DST: variants seen among roughly 807,000 people sequenced by gnomAD.
DST encodes the protein bullous pemphigoid antigen.
Under a neutral mutation model 875.2 loss-of-function variants are expected in DST, and 253 were observed. The ratio of observed to expected loss-of-function variants is 0.29; its 90% CI spans 0.26 to 0.32. DST has a LOEUF of 0.32. DST is among the 10% of genes least tolerant of loss of function. The pLI, the probability that DST is intolerant of heterozygous loss-of-function variation, is 1.00. For synonymous variants in DST, 3,124 were observed against 3,197.1 expected (o/e 0.98, Z 0.77); for missense variants, 8,287 against 9,111.6 (o/e 0.91, Z 3.68).
At chr6:56,470,975 G>T in intron 95 of DST, 131 bp downstream of exon 95, 1 of 930,216 alleles carries the variant, frequency 1.1e-6, no homozygotes, top group African/African-American at 1.7e-5. Context: ...TTTTTTTAAG[G>T]GTCGTGACTT....
rs767739004 is a variant in DST at position 56,639,217 on chromosome 6, A to G, written c.2964+42T>C. The G allele has an allele frequency of 4.1e-6, 6 of 1,460,000 alleles. No homozygotes were observed. The East Asian group carries it at 1.1e-4, about 28-fold the overall frequency. The allele number at this position is 1,460,000 out of a possible 1,614,324, so 90.4% of individuals were successfully genotyped here. ...TAAAAGAATCTGAAGGGAAATAATC[A>G]TATCAATATTCAACCAACACCATTA... On this transcript the variant is annotated intron_variant, in intron 22 of 103. Transcript: ENST00000680361.
At chr6:56,505,390 T>C (rs1406747128) in intron 77 of DST, among the ~76,000 whole-genome samples, 1 of 152,054 alleles carries the variant, frequency 6.6e-6, no homozygotes, top group African/African-American at 2.4e-5. Context: ...AACTCAATGA[T>C]TTAACAATGA....
At chr6:56,559,706 T>G (rs1407919632) in intron 58 of DST, among the ~76,000 whole-genome samples, 2 of 152,062 alleles carry the variant, frequency 1.3e-5, no homozygotes, top group East Asian at 3.9e-4. Context: ...TTCTACATCA[T>G]TATAGTAATA....
chr6:56,784,779 C>T (rs1294400379), intron 4 of DST, among the ~76,000 whole-genome samples: 2 of 152,216 alleles, frequency 1.3e-5, no homozygotes, highest in Non-Finnish European at 2.9e-5. Flanking sequence ...GAACTGCGTT[C>T]CTTTGGAGGA....
At chr6:56,930,464 A>G (rs1809589186) in intron 2 of DST, among the ~76,000 whole-genome samples, 1 of 152,218 alleles carries the variant, frequency 6.6e-6, no homozygotes, top group Non-Finnish European at 1.5e-5. Context: ...GGGCCCAAAA[A>G]CTAAAATATA....
Position 56,634,963 on chromosome 6 carries a change from A to T in DST, c.3187-10T>A, listed in dbSNP as rs1259015338. On this transcript the variant is annotated splice_polypyrimidine_tract_variant and intron_variant, in intron 24 of 103. Coordinates refer to ENST00000680361, the MANE Select transcript of DST (RefSeq NM_001374736.1). ...GTTCTTCTTTCTCTTCCTAAGTAAT[A>T]AATACAGTGAATTTTAAGAAGTAAA... is the stretch of plus-strand genomic sequence containing the variant. The T allele has an allele frequency of 6.2e-7, 1 of 1,604,782 alleles. No individual in the cohort carries two copies. Among genetic ancestry groups the T allele is most frequent in the Non-Finnish European group, 8.5e-7 (1 of 1,172,674 alleles).
intron 3 of DST, among the ~76,000 whole-genome samples, chr6:56,886,951 T>C (rs1304542076): frequency 6.6e-6 from 1 of 152,008 alleles, no homozygotes; most frequent in East Asian, 1.9e-4. Context: ...ACAGAAAATA[T>C]TGAGAGAAAT....
intron 4 of DST, among the ~76,000 whole-genome samples, chr6:56,782,996 A>G (rs2099697226): frequency 1.3e-5 from 2 of 152,196 alleles, no homozygotes; most frequent in Non-Finnish European, 2.9e-5. Context: ...GTAGTCATTC[A>G]GGAGCAGGTT....
In DST at chr6:56,642,045, C is replaced by T. The variant is rs1446351238; in HGVS notation, c.1929G>A (p.Gly643=). ...VQFQNEAEIA[G]YILECENLLR... ...AAAGGTTCTCACATTCAAGTATATA[C>T]CCAGCAATTTCTGCTTCATTCTGAA... is the stretch of plus-strand genomic sequence containing the variant. Residue 643 remains glycine (G), a synonymous_variant, in exon 17 of 104, where the codon GGG becomes GGA. Coordinates refer to ENST00000680361, the MANE Select transcript of DST (RefSeq NM_001374736.1). The T allele has an allele frequency of 2.5e-6, 4 of 1,612,304 alleles. No homozygotes were observed. Among genetic ancestry groups the T allele is most frequent in the South Asian group, 1.1e-5 (1 of 91,040 alleles).
At chr6:56,828,244 G>A (rs1345692470) in intron 4 of DST, among the ~76,000 whole-genome samples, 1 of 152,188 alleles carries the variant, frequency 6.6e-6, no homozygotes, top group Non-Finnish European at 1.5e-5. Context: ...ACTAATCCAA[G>A]AGCAGCAGCC....
chr6:56,932,584 T>C (rs1203636128), intron 2 of DST, among the ~76,000 whole-genome samples: 2 of 152,158 alleles, frequency 1.3e-5, no homozygotes, highest in African/African-American at 4.8e-5. Flanking sequence ...TTCTCAAATA[T>C]GCCTGGTAAC....
chr6:56,580,136 A>C (rs997310033), intron 49 of DST, among the ~76,000 whole-genome samples: 2 of 152,214 alleles, frequency 1.3e-5, no homozygotes, highest in African/African-American at 4.8e-5. Context: ...TTTAAAATTT[A>C]AATTAATTGA....
intron 3 of DST, among the ~76,000 whole-genome samples, chr6:56,884,690 T>C (rs1783801121): frequency 6.6e-6 from 1 of 152,170 alleles, no homozygotes; most frequent in Non-Finnish European, 1.5e-5. Flanking sequence ...TAGTCTTTGA[T>C]GCTTCCTTGC....
Position 56,633,042 on chromosome 6 carries a change from A to G in DST, c.3622-5T>C. The G allele has an allele frequency of 6.2e-7, 1 of 1,612,428 alleles. No individual in the cohort carries two copies. Among genetic ancestry groups the G allele is most frequent in the Non-Finnish European group, 8.5e-7 (1 of 1,178,652 alleles). ...ACCAGGTAGCATTGTCTTTATCTAA[A>G]GAAGACCAAAGACCCATGTAATTCA... On this transcript the variant is annotated splice_region_variant and splice_polypyrimidine_tract_variant and intron_variant, in intron 27 of 103. Transcript: ENST00000680361.
chr6:56,587,950 C>T (rs2098193747), intron 49 of DST, among the ~76,000 whole-genome samples: 2 of 152,078 alleles, frequency 1.3e-5, no homozygotes, highest in South Asian at 4.2e-4. Flanking sequence ...CCAGCCACTG[C>T]AAAATCACGC....
chr6:56,621,488 C>A (rs1028645738), intron 36 of DST, among the ~76,000 whole-genome samples: 1 of 152,186 alleles, frequency 6.6e-6, no homozygotes, highest in African/African-American at 2.4e-5. Flanking sequence ...AATAACATGC[C>A]TCATATGAAT....
intron 72 of DST, among the ~76,000 whole-genome samples, chr6:56,512,036 TTATG>T (rs1478711977): frequency 2.0e-5 from 3 of 152,144 alleles, no homozygotes; most frequent in Admixed American, 6.5e-5. Flanking sequence ...CATTTTATAT[TTATG>T]TATGAATCTA....
chr6:56,848,976 T>A (rs1763521799), intron 4 of DST, among the ~76,000 whole-genome samples: 1 of 150,552 alleles, frequency 6.6e-6, no homozygotes, highest in Non-Finnish European at 1.5e-5. Flanking sequence ...GAGGCGGAGG[T>A]TGCAGTGAGC....
chr6:56,485,399 C>A lies in DST; in HGVS notation c.21120G>T (p.Trp7040Cys). The change falls in exon 88 of 104, where the codon TGG becomes TGT. Residue 7040 changes from tryptophan to cysteine, a missense_variant. Transcript: ENST00000680361. ...CCAGCTGGGGTTCAACTCTATATAA[C>A]CAATCAATGAGAGCCTGTAGGGCAT... ...FTDALQALID[W>C]LYRVEPQLAE... 6.2e-7 allele frequency: 1 copy of A among 1,613,946 alleles called. No homozygotes were observed. The highest frequency in any genetic ancestry group is 8.5e-7 in the Non-Finnish European group (1 of 1,179,856).
Sources: allele counts gnomAD v4.1 joint callset (sites outside exome capture counted in the v4.1 genomes callset), GRCh38; gene constraint gnomAD v4.1.1; transcripts MANE v1.5; gene names NCBI Gene and HGNC (gene_info 2026-07-23, HGNC 2026-07-21).